RBFOX3: variants seen among roughly 807,000 people sequenced by gnomAD.
RBFOX3 encodes RNA binding fox-1 homolog 3.
In RBFOX3, 17 loss-of-function variants were observed where a neutral mutation model predicts 48.7. The observed-to-expected ratio is 0.35, with a 90% CI of 0.24 to 0.52. The LOEUF is 0.52. RBFOX3 is among the 20% of genes least tolerant of loss of function. The pLI is 0.94. For synonymous variants in RBFOX3, 212 were observed against 209.5 expected (o/e 1.01, Z -0.10); for missense variants, 382 against 497.5 (o/e 0.77, Z 2.21).
rs956146041 is a variant in RBFOX3, at chr17:79,605,874, C to T, written c.-320+4952G>A. Among the ~76,000 whole-genome samples, 10 of 152,284 alleles carry T rather than the reference C, an allele frequency of 6.6e-5. No homozygotes were observed. In the East Asian group the frequency reaches 1.9e-3, roughly 29 times the overall value. On this transcript the variant is annotated intron_variant, in intron 1 of 14. Coordinates refer to ENST00000693108, the MANE Select transcript of RBFOX3 (RefSeq NM_001350451.2). ...GGAACCCACGAGCCCTGGCCCCAAC[C>T]TACACGGAAGGAGTGGAGACGGATC...
chr17:79,333,514 C>CA (rs1489420736), intron 2 of RBFOX3, among the ~76,000 whole-genome samples: 7 of 152,208 alleles, frequency 4.6e-5, no homozygotes, highest in Non-Finnish European at 8.8e-5. Context: ...ATCATTGCTT[C>CA]AGAGGCTGCA....
chr17:79,620,505 A>G, the RBFOX3 span, among the ~76,000 whole-genome samples: 10,776 of 145,442 alleles, frequency 0.074, 1,373 homozygotes, highest in African/African-American at 0.27. Context: ...GCGCACACAC[A>G]TGCGCATACG....
At chr17:79,452,899 C>A (rs2149162545) in intron 2 of RBFOX3, among the ~76,000 whole-genome samples, 1 of 152,334 alleles carries the variant, frequency 6.6e-6, no homozygotes, top group East Asian at 1.9e-4. Flanking sequence ...GGAGAGGAAG[C>A]AGCACCGTGG....
intron 2 of RBFOX3, among the ~76,000 whole-genome samples, chr17:79,405,340 G>A (rs2063401306): frequency 6.6e-6 from 1 of 152,156 alleles, no homozygotes; most frequent in Admixed American, 6.5e-5. Flanking sequence ...GTAAGCTGCA[G>A]ACGTGTGTGC....
Position 79,101,595 on chromosome 17 carries a change from G to T in RBFOX3, c.557C>A (p.Pro186His). The change falls in exon 9 of 15, where the codon CCC becomes CAC. Residue 186 changes from proline (P) to histidine (H), a missense_variant. Physicochemically the swap from Pro to His is moderately conservative, Grantham distance 77. Around this residue, in one of 3 missense-constraint regions of RBFOX3, gnomAD observed 215 missense variants for 254.8 expected, o/e 0.84. Transcript: ENST00000693108. ...RVMTNKKTGNPYTNGWKLNPV... is the reference protein window; with the variant it reads ...RVMTNKKTGNHYTNGWKLNPV... The stretch of plus-strand genomic sequence containing the variant: ...ACCCAGCCCCTTACCGTTGGTGTAG[G>T]GGTTCCCCGTCTTCTTGTTGGTCAT... 6.4e-7 allele frequency: 1 copy of T among 1,551,170 alleles called. No individual in the cohort carries two copies. The highest frequency in any genetic ancestry group is 8.7e-7 in the Non-Finnish European group (1 of 1,146,884).
intron 2 of RBFOX3, among the ~76,000 whole-genome samples, chr17:79,371,723 G>A (rs2058566806): frequency 6.6e-6 from 1 of 152,154 alleles, no homozygotes; most frequent in Non-Finnish European, 1.5e-5. Context: ...TGGAAACCAC[G>A]TGTTAAAGAT....
chr17:79,393,218 T>G (rs1187667117), intron 2 of RBFOX3, among the ~76,000 whole-genome samples: 1 of 152,186 alleles, frequency 6.6e-6, no homozygotes, highest in East Asian at 1.9e-4. Context: ...GGTTTCACAG[T>G]TCAGTTCCAC....
At chr17:79,491,172 GAGAGGGGAGGGGAGGAGAGA>G (rs2149598884) in intron 1 of RBFOX3, among the ~76,000 whole-genome samples, 3 of 57,844 alleles carry the variant, frequency 5.2e-5, no homozygotes, top group Admixed American at 3.6e-4. Flanking sequence ...GGGAGGGGAG[GAGAGGGGAGGGGAGGAGAGA>G]GGAGGGCAGG....
At chr17:79,562,321 C>T (rs2092274405) in intron 1 of RBFOX3, among the ~76,000 whole-genome samples, 2 of 152,346 alleles carry the variant, frequency 1.3e-5, no homozygotes, top group South Asian at 2.1e-4. Context: ...AGTCCTGTGG[C>T]TCTCTCCGCC....
chr17:79,574,790 A>G (rs2092802401), intron 1 of RBFOX3, among the ~76,000 whole-genome samples: 1 of 152,262 alleles, frequency 6.6e-6, no homozygotes, highest in Non-Finnish European at 1.5e-5. Flanking sequence ...GTGGTGAGCC[A>G]CTGCCACGCT....
intron 1 of RBFOX3, among the ~76,000 whole-genome samples, chr17:79,578,493 CCCCT>C (rs1232833788): frequency 6.6e-6 from 1 of 152,260 alleles, no homozygotes; most frequent in African/African-American, 2.4e-5. Flanking sequence ...ACCCACTCAA[CCCCT>C]GATGGGCTTG....
At chr17:79,622,205 C>T in the RBFOX3 span, among the ~76,000 whole-genome samples, 1 of 152,214 alleles carries the variant, frequency 6.6e-6, no homozygotes, top group Non-Finnish European at 1.5e-5. Flanking sequence ...GCCACCACCG[C>T]CAGCCAGACT....
At chr17:79,142,335 A>T (rs1568214646) in intron 4 of RBFOX3, among the ~76,000 whole-genome samples, 1 of 152,166 alleles carries the variant, frequency 6.6e-6, no homozygotes, top group African/African-American at 2.4e-5. Flanking sequence ...GAGAGGCAGG[A>T]GGGGTCTGAA....
intron 2 of RBFOX3, among the ~76,000 whole-genome samples, chr17:79,379,985 G>A (rs746105765): frequency 1.3e-4 from 20 of 152,134 alleles, no homozygotes; most frequent in Non-Finnish European, 2.6e-4. Flanking sequence ...GCACATCCCC[G>A]GCTCTGCTGT....
At chr17:79,649,669 G>A in the RBFOX3 span, among the ~76,000 whole-genome samples, 1 of 152,168 alleles carries the variant, frequency 6.6e-6, no homozygotes, top group Non-Finnish European at 1.5e-5. Context: ...TAGCGCCATT[G>A]CACTTCAGCC....
chr17:79,381,480 C>T (rs775672484), intron 2 of RBFOX3, among the ~76,000 whole-genome samples: 6 of 152,272 alleles, frequency 3.9e-5, no homozygotes, highest in East Asian at 3.9e-4. Flanking sequence ...AGGAGCTCCC[C>T]GGGGCTCGGG....
chr17:79,100,637 G>A (rs575839078), intron 9 of RBFOX3, among the ~76,000 whole-genome samples: 35 of 152,322 alleles, frequency 2.3e-4, no homozygotes, highest in Admixed American at 1.5e-3. Context: ...GAAAGTCCAC[G>A]GCAACAGGGA....
chr17:79,545,100 G>T (rs898076844), intron 1 of RBFOX3, among the ~76,000 whole-genome samples: 1 of 152,068 alleles, frequency 6.6e-6, no homozygotes, highest in East Asian at 1.9e-4. Flanking sequence ...GGGGGCAGAC[G>T]GGGCCGCTCT....
At chr17:79,665,171 A>C in the RBFOX3 span, among the ~76,000 whole-genome samples, 2 of 152,196 alleles carry the variant, frequency 1.3e-5, no homozygotes, top group Non-Finnish European at 2.9e-5. Context: ...CACTCTCTTC[A>C]AATCGGCAAA....
Sources: gnomAD v4.1 joint callset for allele counts (sites outside exome capture counted in the v4.1 genomes callset) on GRCh38, gnomAD v4.1.1 for gene constraint, gnomAD v4.1.1 regional missense constraint, MANE v1.5 for transcripts, NCBI Gene and HGNC (gene_info 2026-07-23, HGNC 2026-07-21) for gene names.